The following HGSNAT variants were observed in gnomAD, a reference collection of about 807,000 sequenced individuals.
HGSNAT encodes transmembrane protein 76.
A neutral mutation model predicts 85.2 loss-of-function variants in HGSNAT; 59 were observed. That is an observed-to-expected ratio of 0.69 (90% confidence interval 0.56 to 0.86). HGSNAT has a LOEUF of 0.86. HGSNAT is among the 40% of genes least tolerant of loss of function. The pLI is 0.00. For synonymous variants in HGSNAT, 321 were observed against 304.5 expected (o/e 1.05, Z -0.56); for missense variants, 756 against 777.1 (o/e 0.97, Z 0.32).
intron 3 of HGSNAT, 86 bp from the exon 4 acceptor site, chr8:43,158,837 A>G (rs1395474683): frequency 2.6e-6 from 4 of 1,513,166 alleles, no homozygotes; most frequent in African/African-American, 1.4e-5. Flanking sequence ...AGGAACATGT[A>G]TTATTCTGCC....
At chr8:43,177,427 G>A (rs1012917844) in intron 9 of HGSNAT, among the ~76,000 whole-genome samples, 17 of 151,654 alleles carry the variant, frequency 1.1e-4, no homozygotes, top group Admixed American at 2.0e-4. Context: ...GCACGGTGGC[G>A]GGCACCTGTA....
chr8:43,170,535 T>C, intron 6 of HGSNAT, 50 bp from the exon 7 acceptor site: 1 of 1,324,284 alleles, frequency 7.6e-7, no homozygotes, highest in Non-Finnish European at 1.1e-6. Flanking sequence ...CAAAATGAAA[T>C]TTACCCCTTA....
intron 2 of HGSNAT, among the ~76,000 whole-genome samples, chr8:43,155,419 G>T (rs1803060574): frequency 6.6e-6 from 1 of 151,994 alleles, no homozygotes; most frequent in South Asian, 2.1e-4. Context: ...TGTCTTTTGA[G>T]AAATACCTAT....
intron 2 of HGSNAT, among the ~76,000 whole-genome samples, chr8:43,149,928 C>T (rs1303749453): frequency 2.6e-5 from 4 of 151,962 alleles, no homozygotes; most frequent in Non-Finnish European, 5.9e-5. Context: ...CTTTATCTCA[C>T]TTCCTTAAAG....
At chr8:43,146,646 A>G (rs572501824) in intron 1 of HGSNAT, among the ~76,000 whole-genome samples, 48 of 152,296 alleles carry the variant, frequency 3.2e-4, no homozygotes, top group African/African-American at 1.1e-3. Context: ...AGTTCCTTAC[A>G]CGATCCTTTG....
chr8:43,150,116 C>T (rs953600889), intron 2 of HGSNAT, among the ~76,000 whole-genome samples: 2 of 152,048 alleles, frequency 1.3e-5, no homozygotes, highest in Non-Finnish European at 1.5e-5. Context: ...GCCACCGCAC[C>T]CAGTAATTTT....
At chr8:43,186,394 C>G (rs192290584) in intron 11 of HGSNAT, among the ~76,000 whole-genome samples, 2 of 152,240 alleles carry the variant, frequency 1.3e-5, no homozygotes, top group East Asian at 3.9e-4. Flanking sequence ...AGGAATTTAT[C>G]AATTTCTTCT....
chr8:43,155,693 C>G (rs1803069738), intron 2 of HGSNAT, among the ~76,000 whole-genome samples: 1 of 152,164 alleles, frequency 6.6e-6, no homozygotes, highest in East Asian at 1.9e-4. Context: ...TTCATAGTTT[C>G]AGGTCTTACA....
chr8:43,195,158 C>T (rs1420185118), intron 14 of HGSNAT, among the ~76,000 whole-genome samples: 2 of 152,012 alleles, frequency 1.3e-5, no homozygotes, highest in African/African-American at 4.8e-5. Context: ...GAAGCATACA[C>T]AGGTGACCCT....
In HGSNAT at chr8:43,199,431, G is replaced by C; in HGVS notation, c.1770G>C (p.Glu590Asp). 6.2e-7 allele frequency: 1 copy of C among 1,609,726 alleles called. No individual in the cohort carries two copies. Among genetic ancestry groups the C allele is most frequent in the Non-Finnish European group, 8.5e-7 (1 of 1,177,980 alleles). The change falls in exon 18 of 18, where the codon GAG (glutamate) becomes GAC (aspartate). Residue 590 changes from glutamate (E) to aspartate (D), a missense_variant. Transcript: ENST00000379644. ...TATATGTCGGCCACGAGGTGTTTGA[G>C]AACTACTTCCCCTTTCAGTGGAAGC... Reference protein sequence around the residue: ...ILVYVGHEVFENYFPFQWKLK... With the variant: ...ILVYVGHEVFDNYFPFQWKLK...
At chr8:43,147,625 T>C (rs1802759560) in intron 2 of HGSNAT, among the ~76,000 whole-genome samples, 1 of 152,186 alleles carries the variant, frequency 6.6e-6, no homozygotes. Flanking sequence ...TGGAGGCCAA[T>C]ATCCTAAGTA....
At chr8:43,181,915 G>A in intron 10 of HGSNAT, 1 of 529,576 alleles carries the variant, frequency 1.9e-6, no homozygotes, top group Non-Finnish European at 3.3e-6. Context: ...TTTTGAGTTT[G>A]AGCCATGTCC....
intron 9 of HGSNAT, 174 bp downstream of exon 9, chr8:43,173,917 A>G: frequency 4.8e-6 from 3 of 620,824 alleles, no homozygotes; most frequent in Non-Finnish European, 8.1e-6. Flanking sequence ...ACACGTGTGT[A>G]TAAAAGAGTG....
rs572749907 is a variant in HGSNAT at position 43,189,418 on chromosome 8, G to A, written c.1129-2056G>A. ...TAGCAATGAGTAAGGTTCTGTGGGC[G>A]TGGGACCCTCCGAGCCAGATGCAAG... On this transcript the variant is annotated intron_variant, in intron 11 of 17. Transcript: ENST00000379644. Among the ~76,000 whole-genome samples the A allele has an allele frequency of 8.8e-4, 134 of 152,290 alleles. 1 individual carries two copies. The highest frequency in any genetic ancestry group is 7.2e-4 in the Admixed American group (11 of 15,300).
At chr8:43,153,269 C>G (rs890712758) in intron 2 of HGSNAT, among the ~76,000 whole-genome samples, 1 of 151,974 alleles carries the variant, frequency 6.6e-6, no homozygotes, top group Non-Finnish European at 1.5e-5. Flanking sequence ...TTACTGTATA[C>G]CATGTATCAA....
chr8:43,181,098 GGA>G (rs1204835121), intron 10 of HGSNAT, among the ~76,000 whole-genome samples: 14 of 46 alleles, frequency 0.3, no homozygotes, highest in Non-Finnish European at 0.39. Context: ...AGAGGGAGAG[GGA>G]GAGGGAGAGG....
chr8:43,162,239 T>C (rs1049919739), intron 5 of HGSNAT, among the ~76,000 whole-genome samples: 1 of 152,214 alleles, frequency 6.6e-6, no homozygotes, highest in Non-Finnish European at 1.5e-5. Context: ...ACTGAAAGAA[T>C]GAAAACCTAA....
chr8:43,162,779 A>T (rs183945832), intron 5 of HGSNAT, among the ~76,000 whole-genome samples: 400 of 151,560 alleles, frequency 2.6e-3, no homozygotes, highest in Non-Finnish European at 4.8e-3. Context: ...TATGTTGCCC[A>T]GGCTGGTCTT....
rs777276988 is a variant in HGSNAT at position 43,192,336 on chromosome 8, T to G, written c.1283T>G (p.Phe428Cys). ...GYLGPGGIGDFGKYPNCTGGA... is the reference protein window; with the variant it reads ...GYLGPGGIGDCGKYPNCTGGA... Reference sequence around the variant, plus strand: ...CTTGGTCCTGGGGGCATTGGAGATTTTGGCAAGTATCCAAATTGCACTGGA... The same window carrying G: ...CTTGGTCCTGGGGGCATTGGAGATTGTGGCAAGTATCCAAATTGCACTGGA... The change falls in exon 13 of 18, where the codon TTT becomes TGT. Residue 428 changes from phenylalanine (F) to cysteine (C), a missense_variant. By Grantham distance (205) the Phe-to-Cys change is radical (BLOSUM62 -2). Transcript: ENST00000379644. The G allele has an allele frequency of 2.5e-5, 41 of 1,610,618 alleles. No individual in the cohort carries two copies. In the South Asian group the frequency reaches 4.4e-4, roughly 17 times the overall value.
Sources: allele counts gnomAD v4.1 joint callset (sites outside exome capture counted in the v4.1 genomes callset), GRCh38; gene constraint gnomAD v4.1.1; transcripts MANE v1.5; gene names NCBI Gene and HGNC (gene_info 2026-07-23, HGNC 2026-07-21).